IPPK: variants seen among roughly 807,000 people sequenced by gnomAD.
The protein encoded by IPPK is inositol-pentakisphosphate 2-kinase, also known as IPK1 homolog.
A neutral mutation model predicts 64.6 loss-of-function variants in IPPK; 22 were observed. The ratio of observed to expected loss-of-function variants is 0.34; its 90% CI spans 0.24 to 0.49. IPPK has a LOEUF of 0.49. IPPK is among the 20% of genes least tolerant of loss of function. The pLI, the probability that IPPK is intolerant of heterozygous loss-of-function variation, is 0.99. For missense variants in IPPK, 532 were observed against 630.7 expected (o/e 0.84, Z 1.68); for synonymous variants, 262 against 247.2 (o/e 1.06, Z -0.56).
At chr9:92,616,881 C>G (rs1851456807) in intron 12 of IPPK, 1 of 152,178 alleles carries the variant, frequency 6.6e-6, no homozygotes, top group Admixed American at 6.5e-5. Flanking sequence ...ATCCTGGGTT[C>G]TGGTGTCCCA....
At chr9:92,654,149 G>T (rs1852324571) in intron 3 of IPPK, among the ~76,000 whole-genome samples, 1 of 152,236 alleles carries the variant, frequency 6.6e-6, no homozygotes, top group African/African-American at 2.4e-5. Context: ...CAGGTGAAAA[G>T]CAGACCTCGG....
intron 5 of IPPK, 62 bp from the exon 6 acceptor site, chr9:92,648,210 A>G (rs1408430621): frequency 4.2e-6 from 5 of 1,186,850 alleles, no homozygotes; most frequent in African/African-American, 1.5e-5. Context: ...CTCTAAATAG[A>G]CATATCACTG....
chr9:92,655,501 C>G (rs948868057), intron 3 of IPPK, among the ~76,000 whole-genome samples: 3 of 152,098 alleles, frequency 2.0e-5, no homozygotes, highest in Non-Finnish European at 4.4e-5. Context: ...AAACCTGGAG[C>G]CAGACTGCTC....
intron 11 of IPPK, among the ~76,000 whole-genome samples, chr9:92,624,660 A>G (rs536853397): frequency 6.6e-6 from 1 of 152,182 alleles, no homozygotes; most frequent in Non-Finnish European, 1.5e-5. Context: ...AAACAAAGCC[A>G]TTTCTTTTCT....
chr9:92,642,834 C>CATGAG (rs2131443325), intron 6 of IPPK, 24 bp from the exon 7 acceptor site: 1 of 1,600,332 alleles, frequency 6.2e-7, no homozygotes, highest in Admixed American at 1.7e-5. Flanking sequence ...AACAGGAGGG[C>CATGAG]ATGAGGTGAC....
intron 4 of IPPK, among the ~76,000 whole-genome samples, chr9:92,651,118 G>A (rs1161841855): frequency 5.3e-5 from 8 of 151,708 alleles, no homozygotes; most frequent in Admixed American, 3.9e-4. Flanking sequence ...TGGCGTTCCC[G>A]CCTCCCCAGC....
intron 4 of IPPK, among the ~76,000 whole-genome samples, chr9:92,649,780 C>A (rs1259289576): frequency 2.6e-5 from 4 of 152,182 alleles, no homozygotes; most frequent in Non-Finnish European, 4.4e-5. Flanking sequence ...GTTATCCCAG[C>A]ACTTTGGGAG....
chr9:92,624,596 T>C (rs1851701526), intron 11 of IPPK, among the ~76,000 whole-genome samples: 1 of 152,184 alleles, frequency 6.6e-6, no homozygotes, highest in South Asian at 2.1e-4. Context: ...ATCGTGCCAG[T>C]GCACTCCAGC....
intron 6 of IPPK, among the ~76,000 whole-genome samples, chr9:92,645,692 A>C (rs1337908410): frequency 6.6e-6 from 1 of 152,118 alleles, no homozygotes; most frequent in Non-Finnish European, 1.5e-5. Flanking sequence ...GGAGGCCAGG[A>C]GGAGGCAGGA....
rs1851358871 is a variant in IPPK at position 92,614,157 on chromosome 9, G to A, written c.*1675C>T. The A allele has an allele frequency of 6.6e-6, 1 of 152,316 alleles. No individual in the cohort carries two copies. Among genetic ancestry groups the A allele is most frequent in the South Asian group, 2.1e-4 (1 of 4,832 alleles). The allele number at this position is 152,316 out of a possible 1,614,324, so 9.4% of individuals were successfully genotyped here. A position where few individuals can be genotyped will look rare whatever the true frequency, so the allele number is the denominator to read the frequency against. On this transcript the variant is annotated 3_prime_UTR_variant, in exon 13 of 13. Coordinates refer to ENST00000287996, the MANE Select transcript of IPPK (RefSeq NM_022755.6). Reference sequence around the variant, plus strand: ...AGGCAATAACTCTTGCAGCCCTGAAGGACCTAGGGAGCCCAGCCCACCTTC... The same window carrying A: ...AGGCAATAACTCTTGCAGCCCTGAAAGACCTAGGGAGCCCAGCCCACCTTC...
At chr9:92,639,102 G>A (rs1480060366) in intron 8 of IPPK, among the ~76,000 whole-genome samples, 1 of 152,166 alleles carries the variant, frequency 6.6e-6, no homozygotes, top group African/African-American at 2.4e-5. Flanking sequence ...AGGCTAGAGT[G>A]CAGTGGAGCA....
In IPPK at chr9:92,670,117, C is replaced by G; in HGVS notation, c.-129G>C. 1 of 582,590 alleles carries G rather than the reference C, an allele frequency of 1.7e-6. No individual in the cohort carries two copies. Among genetic ancestry groups the G allele is most frequent in the Non-Finnish European group, 2.8e-6 (1 of 353,988 alleles). 36.1% of individuals were successfully genotyped at this position (582,590 alleles called of 1,614,324 possible). ...CTGTCAGCTGCCGCCCCCGCTCGAC[C>G]CCGCCGCGGCGACTAGCAAGCTGTG... On this transcript the variant is annotated 5_prime_UTR_variant, in exon 1 of 13. Coordinates refer to ENST00000287996, the MANE Select transcript of IPPK (RefSeq NM_022755.6).
intron 3 of IPPK, among the ~76,000 whole-genome samples, chr9:92,655,941 G>A (rs958024405): frequency 6.6e-6 from 1 of 152,180 alleles, no homozygotes; most frequent in Non-Finnish European, 1.5e-5. Context: ...AGCCAGGGCT[G>A]GCAATCTTAG....
At chr9:92,619,646 G>C in intron 11 of IPPK, 81 bp from the exon 12 acceptor site, 2 of 1,232,494 alleles carry the variant, frequency 1.6e-6, no homozygotes, top group Non-Finnish European at 2.3e-6. Context: ...CAGTAGCCAA[G>C]TGTGGGAACT....
chr9:92,656,753 C>T (rs551206032), intron 2 of IPPK, among the ~76,000 whole-genome samples: 2 of 152,276 alleles, frequency 1.3e-5, no homozygotes, highest in Admixed American at 1.3e-4. Context: ...CCAGCCATGC[C>T]ACCCTCCTCG....
chr9:92,624,506 G>C (rs1851700140), intron 11 of IPPK, among the ~76,000 whole-genome samples: 1 of 151,780 alleles, frequency 6.6e-6, no homozygotes. Flanking sequence ...ACACATGCCT[G>C]TGCTTCCCAG....
At chr9:92,637,329 C>CA (rs1005793107) in intron 9 of IPPK, among the ~76,000 whole-genome samples, 3 of 152,118 alleles carry the variant, frequency 2.0e-5, no homozygotes, top group African/African-American at 7.2e-5. Flanking sequence ...AAAAAATTGG[C>CA]ACAGATAATA....
intron 1 of IPPK, among the ~76,000 whole-genome samples, chr9:92,666,861 C>T (rs927079216): frequency 1.3e-5 from 2 of 152,190 alleles, no homozygotes; most frequent in African/African-American, 4.8e-5. Context: ...CTGTAGCCCA[C>T]ACCTAGTTCC....
chr9:92,633,242 A>G (rs1272824585), intron 11 of IPPK, among the ~76,000 whole-genome samples: 1 of 151,636 alleles, frequency 6.6e-6, no homozygotes, highest in Non-Finnish European at 1.5e-5. Flanking sequence ...CAATCTCCTG[A>G]CCTCATAATC....
Sources: gnomAD v4.1 joint callset for allele counts (sites outside exome capture counted in the v4.1 genomes callset) on GRCh38, gnomAD v4.1.1 for gene constraint, MANE v1.5 for transcripts, NCBI Gene and HGNC (gene_info 2026-07-23, HGNC 2026-07-21) for gene names.